STK32B: variants seen among roughly 807,000 people sequenced by gnomAD.
The protein encoded by STK32B is serine/threonine kinase 32B.
In STK32B, 43 loss-of-function variants were observed where a neutral mutation model predicts 52.6. The observed-to-expected ratio is 0.82, with a 90% CI of 0.64 to 1.05. The LOEUF (loss-of-function observed/expected upper bound fraction) is 1.05. Ranked by LOEUF, STK32B falls within the 50% of genes least tolerant of loss-of-function variation. The pLI is 0.00. For missense variants in STK32B, 621 were observed against 534.6 expected, an observed-to-expected ratio of 1.16 and a Z score of -1.59; for synonymous variants, 238 against 204.3, an observed-to-expected ratio of 1.17 and a Z score of -1.41.
At chr4:5,040,253 G>C in the STK32B span, among the ~76,000 whole-genome samples, 1 of 152,154 alleles carries the variant, frequency 6.6e-6, no homozygotes, top group African/African-American at 2.4e-5. Flanking sequence ...GGGGTAAGTG[G>C]ATACCATGAA....
At chr4:5,312,436 C>G (rs549337913) in intron 3 of STK32B, among the ~76,000 whole-genome samples, 17 of 149,658 alleles carry the variant, frequency 1.1e-4, no homozygotes, top group Admixed American at 3.4e-4. Flanking sequence ...ATCCCTCCCC[C>G]CTCCCCACAC....
chr4:5,137,071 A>G (rs1169762485), intron 1 of STK32B, among the ~76,000 whole-genome samples: 2 of 152,232 alleles, frequency 1.3e-5, no homozygotes, highest in Non-Finnish European at 2.9e-5. Context: ...GCATTTGACC[A>G]TTTATTCAGT....
At chr4:5,318,141 A>T (rs1731237716) in intron 3 of STK32B, among the ~76,000 whole-genome samples, 1 of 152,120 alleles carries the variant, frequency 6.6e-6, no homozygotes, top group Non-Finnish European at 1.5e-5. Context: ...GAATGCATGC[A>T]CTTGTGTGTG....
At chr4:5,192,039 A>C (rs1721249905) in intron 3 of STK32B, among the ~76,000 whole-genome samples, 1 of 152,208 alleles carries the variant, frequency 6.6e-6, no homozygotes, top group African/African-American at 2.4e-5. Flanking sequence ...GTAGAGACAT[A>C]GAAAACAGCA....
In STK32B at chr4:5,492,744, C is replaced by T. The variant is rs188275501; in HGVS notation, c.1107-6201C>T. On this transcript the variant is annotated intron_variant, in intron 11 of 11. Transcript: ENST00000282908. ...AGATAGCTCTTACTATTTTGAGATA[C>T]GTCCCATCAATACCAAATTTCTTGA... Among the ~76,000 whole-genome samples the T allele has an allele frequency of 1.9e-4, 29 of 151,022 alleles. 1 individual carries two copies. Among genetic ancestry groups the T allele is most frequent in the East Asian group, 7.7e-4 (4 of 5,184 alleles).
intron 3 of STK32B, among the ~76,000 whole-genome samples, chr4:5,231,347 A>C (rs1724254301): frequency 6.6e-6 from 1 of 152,220 alleles, no homozygotes; most frequent in Non-Finnish European, 1.5e-5. Context: ...GCAGTGGCTC[A>C]CACCTATAAT....
chr4:5,053,378 C>G (rs1328975254), intron 1 of STK32B, among the ~76,000 whole-genome samples: 4 of 152,150 alleles, frequency 2.6e-5, no homozygotes, highest in African/African-American at 9.7e-5. Flanking sequence ...GTAATGGAGG[C>G]TCTTGCATGT....
At position 5,428,283 on chromosome 4, in the gene STK32B, C is replaced by A. The variant is rs144841177; in HGVS notation, c.562+11349C>A. 3.7e-3 allele frequency among the ~76,000 whole-genome samples: 560 copies of A among 152,130 alleles called. 2 individuals are homozygous for A. The highest frequency in any genetic ancestry group is 0.013 in the African/African-American group (524 of 41,476). ...ATTAGCCAGGCATAGTGGTGGGTGC[C>A]TGTAGTCCCAACTACTCGGGAGGCT... On this transcript the variant is annotated intron_variant, in intron 6 of 11. Coordinates refer to ENST00000282908, the MANE Select transcript of STK32B (RefSeq NM_018401.3).
At chr4:5,359,354 T>C (rs948934590) in intron 4 of STK32B, among the ~76,000 whole-genome samples, 1 of 148,784 alleles carries the variant, frequency 6.7e-6, no homozygotes, top group South Asian at 2.1e-4. Context: ...CACCCATCCA[T>C]CCACTCATCC....
intron 7 of STK32B, among the ~76,000 whole-genome samples, chr4:5,454,850 G>T (rs1294279897): frequency 6.6e-6 from 1 of 152,044 alleles, no homozygotes; most frequent in Non-Finnish European, 1.5e-5. Context: ...AAGTGCGAAG[G>T]GATCTCACAC....
intron 3 of STK32B, among the ~76,000 whole-genome samples, chr4:5,252,529 T>C (rs1726012063): frequency 6.6e-6 from 1 of 152,094 alleles, no homozygotes; most frequent in Non-Finnish European, 1.5e-5. Flanking sequence ...CATCTGCAGG[T>C]CTTTATTTCT....
intron 3 of STK32B, among the ~76,000 whole-genome samples, chr4:5,190,758 C>T (rs1363763790): frequency 6.6e-6 from 1 of 152,116 alleles, no homozygotes; most frequent in African/African-American, 2.4e-5. Flanking sequence ...CCCTTGCAGA[C>T]ATCGGGGCGG....
intron 4 of STK32B, among the ~76,000 whole-genome samples, chr4:5,381,500 A>G (rs1413496017): frequency 6.6e-6 from 1 of 152,172 alleles, no homozygotes; most frequent in Non-Finnish European, 1.5e-5. Context: ...CTTTCGATTG[A>G]ATGAGATCAT....
chr4:5,346,953 A>T (rs1460739198), intron 4 of STK32B, among the ~76,000 whole-genome samples: 1 of 152,182 alleles, frequency 6.6e-6, no homozygotes, highest in East Asian at 1.9e-4. Flanking sequence ...TGAAGGAGGA[A>T]CTGTCAAACA....
chr4:5,250,019 G>T (rs577127004), intron 3 of STK32B, among the ~76,000 whole-genome samples: 1 of 151,926 alleles, frequency 6.6e-6, no homozygotes, highest in Admixed American at 6.6e-5. Context: ...TTGGTTTTCT[G>T]TTCCTGGGTT....
In STK32B at chr4:5,470,618, C is replaced by T. The variant is rs1258317738; in HGVS notation, c.1106+2548C>T. ...GCTGTGTCCCCCAAGATGCATCAGC[C>T]GACCCCATCCCCACCTCATCTTGTG... On this transcript the variant is annotated intron_variant, in intron 11 of 11. Coordinates refer to ENST00000282908, the MANE Select transcript of STK32B (RefSeq NM_018401.3). The surrounding 1 kb of genome is among the most constrained non-coding windows in gnomAD (Gnocchi z 4.6). Among the ~76,000 whole-genome samples the T allele has an allele frequency of 1.3e-5, 2 of 151,998 alleles. No individual in the cohort carries two copies. The highest frequency in any genetic ancestry group is 1.9e-4 in the East Asian group (1 of 5,140).
intron 3 of STK32B, among the ~76,000 whole-genome samples, chr4:5,185,806 G>A (rs1031375102): frequency 6.6e-6 from 1 of 152,110 alleles, no homozygotes; most frequent in African/African-American, 2.4e-5. Flanking sequence ...AATGGCTCCC[G>A]AAGCCCTCAG....
intron 6 of STK32B, among the ~76,000 whole-genome samples, chr4:5,443,196 G>C (rs990263535): frequency 1.3e-5 from 2 of 148,312 alleles, no homozygotes; most frequent in African/African-American, 4.9e-5. Context: ...ATCCTGCAGA[G>C]TGTTTTCCAA....
chr4:5,169,305 C>T (rs143780021), intron 3 of STK32B, among the ~76,000 whole-genome samples: 1 of 152,268 alleles, frequency 6.6e-6, no homozygotes, highest in Non-Finnish European at 1.5e-5. Flanking sequence ...AGGGACTTAG[C>T]AAATGTTTCC....
Sources: allele counts gnomAD v4.1 joint callset (sites outside exome capture counted in the v4.1 genomes callset), GRCh38; gene constraint gnomAD v4.1.1; non-coding constraint Gnocchi (gnomAD v3.1); transcripts MANE v1.5; gene names NCBI Gene and HGNC (gene_info 2026-07-23, HGNC 2026-07-21).